Variants in PCSK5 observed in about 807,000 individuals in gnomAD.
PCSK5 encodes prohormone convertase 5.
In PCSK5, 129 loss-of-function variants were observed where a neutral mutation model predicts 233.2. The observed-to-expected ratio is 0.55, with a 90% CI of 0.48 to 0.64. The LOEUF (loss-of-function observed/expected upper bound fraction) is 0.64. PCSK5 is among the 30% of genes least tolerant of loss of function. PCSK5 has a pLI of 0.00. For missense variants in PCSK5, 2,076 were observed against 2,430.1 expected (o/e 0.85, Z 3.06); for synonymous variants, 825 against 879.2 (o/e 0.94, Z 1.09).
At chr9:76,120,429 A>G (rs1832588726) in intron 9 of PCSK5, among the ~76,000 whole-genome samples, 1 of 152,082 alleles carries the variant, frequency 6.6e-6, no homozygotes, top group Admixed American at 6.6e-5. Context: ...TGGCTTCTTT[A>G]CAAGTTTTCC....
intron 9 of PCSK5, among the ~76,000 whole-genome samples, chr9:76,133,607 AG>A (rs1288340961): frequency 6.6e-6 from 1 of 152,038 alleles, no homozygotes; most frequent in Non-Finnish European, 1.5e-5. Context: ...TGTTTCGTTG[AG>A]ATTTTTCCAT....
intron 34 of PCSK5, among the ~76,000 whole-genome samples, chr9:76,336,567 CACTA>C (rs1437677561): frequency 6.6e-6 from 1 of 152,182 alleles, no homozygotes; most frequent in Non-Finnish European, 1.5e-5. Flanking sequence ...TGTCTCATTT[CACTA>C]ACTGACTTTA....
rs1195533627 is a variant in PCSK5 at position 75,890,986 on chromosome 9, A to G, written c.-196A>G. On this transcript the variant is annotated 5_prime_UTR_variant, in exon 1 of 38. The change abolishes an upstream ATG in the 5' untranslated region. Transcript: ENST00000674117. The stretch of plus-strand genomic sequence containing the variant: ...AGCACAGGTCCCGGCAGCCCCAGGG[A>G]TGGTCTAGGAGCCGGCGTAAGGCTC... The G allele has an allele frequency of 2.3e-6, 1 of 428,720 alleles. No homozygotes were observed. The highest frequency in any genetic ancestry group is 4.0e-6 in the Non-Finnish European group (1 of 248,212). The allele number at this position is 428,720 out of a possible 1,614,324, so 26.6% of individuals were successfully genotyped here.
chr9:76,321,679 A>T, intron 31 of PCSK5, 40 bp downstream of exon 31: 1 of 1,370,818 alleles, frequency 7.3e-7, no homozygotes, highest in Non-Finnish European at 1.0e-6. Flanking sequence ...GGCTCTGCTG[A>T]GCCACCAGTT....
At chr9:76,290,790 C>T (rs75062366) in intron 24 of PCSK5, among the ~76,000 whole-genome samples, 2,537 of 152,312 alleles carry the variant, frequency 0.017, 91 homozygotes, top group African/African-American at 0.058. Context: ...AGCATGAAAG[C>T]ATTCTTACAC....
intron 1 of PCSK5, among the ~76,000 whole-genome samples, chr9:75,910,429 C>G (rs1187475771): frequency 1.3e-5 from 2 of 152,188 alleles, no homozygotes; most frequent in Non-Finnish European, 1.5e-5. Flanking sequence ...CTGAAAGAAA[C>G]CCTAAAGGTC....
chr9:76,033,444 T>A (rs1828729726), intron 5 of PCSK5, among the ~76,000 whole-genome samples: 1 of 152,186 alleles, frequency 6.6e-6, no homozygotes, highest in Admixed American at 6.6e-5. Flanking sequence ...TTTTCTCTAA[T>A]ACTTTTGCAA....
intron 1 of PCSK5, among the ~76,000 whole-genome samples, chr9:75,891,869 G>T (rs1045072009): frequency 6.6e-6 from 1 of 152,078 alleles, no homozygotes; most frequent in South Asian, 2.1e-4. Flanking sequence ...TCTTGGGCGA[G>T]AGAACCTCTG....
At chr9:76,224,089 G>A (rs1053682761) in intron 20 of PCSK5, among the ~76,000 whole-genome samples, 3 of 152,178 alleles carry the variant, frequency 2.0e-5, no homozygotes, top group African/African-American at 7.2e-5. Context: ...TTACACTGAC[G>A]CTCTTACATA....
At chr9:76,184,782 A>C (rs778549542) in intron 17 of PCSK5, 25 bp downstream of exon 17, 5 of 1,352,676 alleles carry the variant, frequency 3.7e-6, no homozygotes, top group Non-Finnish European at 5.3e-6. Flanking sequence ...GATTTTATCA[A>C]GTAACACAGC....
chr9:75,930,562 T>G (rs1388240004), intron 1 of PCSK5, among the ~76,000 whole-genome samples: 1 of 152,208 alleles, frequency 6.6e-6, no homozygotes, highest in Non-Finnish European at 1.5e-5. Context: ...ACTATTTATT[T>G]TGAGGGCAAA....
At chr9:76,037,355 T>C (rs949730724) in intron 5 of PCSK5, among the ~76,000 whole-genome samples, 5 of 151,972 alleles carry the variant, frequency 3.3e-5, no homozygotes, top group African/African-American at 1.2e-4. Context: ...ATTGACAAGT[T>C]TGTTTGTTTG....
intron 2 of PCSK5, among the ~76,000 whole-genome samples, chr9:75,948,674 C>G (rs996099696): frequency 8.6e-5 from 13 of 151,924 alleles, no homozygotes; most frequent in African/African-American, 3.1e-4. Flanking sequence ...GGGTATATAC[C>G]CAGTAATGGG....
chr9:76,168,946 T>C (rs188174971), intron 12 of PCSK5, among the ~76,000 whole-genome samples: 2 of 152,340 alleles, frequency 1.3e-5, no homozygotes, highest in East Asian at 3.9e-4. Context: ...ATTGTATAAA[T>C]TGAATCATGC....
intron 14 of PCSK5, among the ~76,000 whole-genome samples, chr9:76,177,564 T>G (rs1251032952): frequency 6.6e-6 from 1 of 152,236 alleles, no homozygotes; most frequent in Non-Finnish European, 1.5e-5. Flanking sequence ...GATGTTTTGC[T>G]TTGAGCCTAT....
chr9:76,160,160 C>T (rs1015677422), intron 12 of PCSK5, among the ~76,000 whole-genome samples: 14 of 152,270 alleles, frequency 9.2e-5, no homozygotes, highest in South Asian at 2.1e-4. Context: ...TATTCAGTTT[C>T]GCTTGTTAGC....
At chr9:76,132,721 A>T (rs1175253930) in intron 9 of PCSK5, among the ~76,000 whole-genome samples, 1 of 152,040 alleles carries the variant, frequency 6.6e-6, no homozygotes. Flanking sequence ...ACTTGGCATT[A>T]TTTTAACTGA....
At chr9:76,270,146 C>T (rs78904660) in intron 24 of PCSK5, among the ~76,000 whole-genome samples, 5,353 of 152,104 alleles carry the variant, frequency 0.035, 314 homozygotes, top group African/African-American at 0.12. Flanking sequence ...CATGAACCAG[C>T]AATTCGGGCA....
intron 21 of PCSK5, 100 bp downstream of exon 21, chr9:76,227,705 G>A: frequency 1.3e-6 from 1 of 744,748 alleles, no homozygotes; most frequent in East Asian, 2.7e-5. Context: ...TGGGCCTGCA[G>A]TGAAAAAGAA....
Sources: gnomAD v4.1 joint callset for allele counts (sites outside exome capture counted in the v4.1 genomes callset) on GRCh38, gnomAD v4.1.1 for gene constraint, MANE v1.5 for transcripts, NCBI Gene and HGNC (gene_info 2026-07-23, HGNC 2026-07-21) for gene names.